ABTB2: variants seen among roughly 807,000 people sequenced by gnomAD.
ABTB2 encodes ankyrin repeat and BTB/POZ domain-containing protein 2.
In ABTB2, 56 loss-of-function variants were observed where a neutral mutation model predicts 104.1. The ratio of observed to expected loss-of-function variants is 0.54; its 90% CI spans 0.43 to 0.67. ABTB2 has a LOEUF of 0.67. Among genes scored for constraint, ABTB2 ranks in the 30% least tolerant of loss-of-function variants. The probability of loss-of-function intolerance (pLI) is 0.00; values close to 1 mark genes in which losing one functional copy is unlikely to be tolerated. For missense variants in ABTB2, 1,279 were observed against 1,407.7 expected (o/e 0.91, Z 1.46); for synonymous variants, 606 against 608.2 (o/e 1.00, Z 0.05).
At chr11:34,347,257 G>A (rs898582083) in intron 1 of ABTB2, among the ~76,000 whole-genome samples, 1 of 152,128 alleles carries the variant, frequency 6.6e-6, no homozygotes, top group African/African-American at 2.4e-5. Flanking sequence ...CCAACATGGT[G>A]AAACCCTGTC....
intron 11 of ABTB2, among the ~76,000 whole-genome samples, chr11:34,160,613 G>T (rs1852698405): frequency 6.7e-6 from 1 of 148,424 alleles, no homozygotes; most frequent in Admixed American, 6.7e-5. Flanking sequence ...TGCTGTGTGT[G>T]TGTGTGTTGG....
At chr11:34,232,561 G>A (rs57295752) in intron 1 of ABTB2, among the ~76,000 whole-genome samples, 3 of 151,970 alleles carry the variant, frequency 2.0e-5, no homozygotes, top group Non-Finnish European at 4.4e-5. Context: ...GGGACCTCTC[G>A]AGACCTTCTG....
At chr11:34,294,782 C>T (rs1854600987) in intron 1 of ABTB2, among the ~76,000 whole-genome samples, 1 of 107,498 alleles carries the variant, frequency 9.3e-6, no homozygotes, top group African/African-American at 5.0e-5. Context: ...GTGGTGCGAT[C>T]TCAGCTCATG....
At chr11:34,281,996 T>C (rs1229463130) in intron 1 of ABTB2, among the ~76,000 whole-genome samples, 3 of 152,202 alleles carry the variant, frequency 2.0e-5, no homozygotes, top group Non-Finnish European at 4.4e-5. Flanking sequence ...GTTTGAGCTG[T>C]TCTAGCAAAA....
At chr11:34,312,931 C>G (rs1854875933) in intron 1 of ABTB2, among the ~76,000 whole-genome samples, 1 of 152,010 alleles carries the variant, frequency 6.6e-6, no homozygotes, top group African/African-American at 2.4e-5. Flanking sequence ...ACAAAGCTAG[C>G]AAGTGGCAGA....
chr11:34,291,758 A>G (rs1017236410), intron 1 of ABTB2, among the ~76,000 whole-genome samples: 1 of 152,164 alleles, frequency 6.6e-6, no homozygotes, highest in African/African-American at 2.4e-5. Flanking sequence ...AGCCTCCCAA[A>G]GTGTTGGGAT....
rs200966756 is a variant in ABTB2, at chr11:34,298,412, CT to C, written c.883+58288del. ...GTAGGGGTGAGGAATGATCTTGTTT[CT>C]TTTTTTTTTTTTAAACCAATTACTT... On this transcript the variant is annotated intron_variant, in intron 1 of 16. Transcript: ENST00000435224. 3.2e-3 allele frequency among the ~76,000 whole-genome samples: 417 copies of C among 128,732 alleles called. 1 individual carries two copies. Among genetic ancestry groups the C allele is most frequent in the South Asian group, 7.4e-3 (26 of 3,502 alleles). The allele number at this position is 128,732 out of a possible 152,430, so 84.5% of individuals were successfully genotyped here. A position where few individuals can be genotyped will look rare whatever the true frequency, so the allele number is the denominator to read the frequency against.
intron 1 of ABTB2, among the ~76,000 whole-genome samples, chr11:34,354,861 T>C (rs1162448895): frequency 1.3e-5 from 2 of 152,222 alleles, no homozygotes; most frequent in African/African-American, 4.8e-5. Flanking sequence ...TGAGTTCAGT[T>C]TGGGCCTCCT....
intron 14 of ABTB2, among the ~76,000 whole-genome samples, chr11:34,157,424 T>C (rs890353659): frequency 2.0e-5 from 3 of 152,182 alleles, no homozygotes; most frequent in African/African-American, 7.2e-5. Flanking sequence ...ATGCCCTCCC[T>C]TGGCCTGGCA....
At chr11:34,265,051 C>T (rs183512264) in intron 1 of ABTB2, among the ~76,000 whole-genome samples, 3 of 152,324 alleles carry the variant, frequency 2.0e-5, no homozygotes, top group African/African-American at 4.8e-5. Context: ...CTCACTTCCT[C>T]GTGACTCAGT....
intron 1 of ABTB2, among the ~76,000 whole-genome samples, chr11:34,249,266 CT>C: frequency 6.6e-6 from 1 of 152,192 alleles, no homozygotes; most frequent in Non-Finnish European, 1.5e-5. Context: ...AAGCTCATGC[CT>C]TTAAGGACAA....
chr11:34,159,376 G>C lies in ABTB2; in HGVS notation c.2617C>G (p.Leu873Val), dbSNP rs751572135. The stretch of plus-strand genomic sequence containing the variant: ...TCCTGTTCTGATTTATTGGTCATTA[G>C]TGTCTTGAACCTGGAGCAAAGGAGA... ...LVTASNRFKT[L>V]MTNKSEQDGD... Residue 873 changes from leucine (L) to valine (V), a missense_variant, in exon 14 of 17, where the codon CTA becomes GTA. Physicochemically the swap from Leu to Val is conservative, Grantham distance 32. Transcript: ENST00000435224. 6.2e-7 allele frequency: 1 copy of C among 1,613,530 alleles called. No individual in the cohort carries two copies. The highest frequency in any genetic ancestry group is 1.1e-5 in the South Asian group (1 of 91,064).
rs1245696350 is a variant in ABTB2 at position 34,164,802 on chromosome 11, A to T, written c.1872T>A (p.Ser624Arg). The T allele has an allele frequency of 6.9e-6, 11 of 1,585,220 alleles. No individual in the cohort carries two copies. The highest frequency in any genetic ancestry group is 6.8e-6 in the Non-Finnish European group (8 of 1,170,670). The change falls in exon 9 of 17, where the codon AGT becomes AGA. Residue 624 changes from serine to arginine, a missense_variant. Transcript: ENST00000435224. ...ASAAGNYELV[S>R]LLLSRGADPL... The stretch of plus-strand genomic sequence containing the variant: ...GGTCGGCGCCTCGGCTCAGCAACAA[A>T]CTGACCAGCTCATAGTTCCCTGAAA...
At chr11:34,233,639 T>C (rs1043907664) in intron 1 of ABTB2, among the ~76,000 whole-genome samples, 88 of 121,950 alleles carry the variant, frequency 7.2e-4, no homozygotes, top group Admixed American at 3.8e-4. Flanking sequence ...CATGAACCAC[T>C]GTACCTGGCC....
intron 1 of ABTB2, among the ~76,000 whole-genome samples, chr11:34,207,011 G>A (rs1853416514): frequency 6.6e-6 from 1 of 152,196 alleles, no homozygotes; most frequent in Non-Finnish European, 1.5e-5. Flanking sequence ...CTCCCCCGCA[G>A]CCCCCTGCCA....
At chr11:34,208,923 C>A (rs1853442497) in intron 1 of ABTB2, among the ~76,000 whole-genome samples, 1 of 152,168 alleles carries the variant, frequency 6.6e-6, no homozygotes, top group South Asian at 2.1e-4. Context: ...CACCCATCCC[C>A]TGCCTCCAGG....
intron 1 of ABTB2, among the ~76,000 whole-genome samples, chr11:34,215,259 G>A (rs1346311160): frequency 6.6e-6 from 1 of 152,202 alleles, no homozygotes; most frequent in Non-Finnish European, 1.5e-5. Context: ...TCCCCTGCTA[G>A]GGATCAGTGC....
In ABTB2 at chr11:34,154,107, C is replaced by T. The variant is rs1303168239; in HGVS notation, c.2880+158G>A. Among the ~76,000 whole-genome samples the T allele has an allele frequency of 6.6e-6, 1 of 152,156 alleles. No individual in the cohort carries two copies. ...TGGGCAGCAGTGACCCCAGGCAACA[C>T]AGGGAGTTGCTAACCCTCCCTCAGC... On this transcript the variant is annotated intron_variant, in intron 16 of 16. Transcript: ENST00000435224. The surrounding 1 kb of genome is among the most constrained non-coding windows in gnomAD (Gnocchi z 4.9).
intron 1 of ABTB2, among the ~76,000 whole-genome samples, chr11:34,303,568 C>T (rs1175592227): frequency 2.0e-5 from 2 of 102,318 alleles, no homozygotes; most frequent in South Asian, 8.5e-4. Flanking sequence ...ATGCATTTAA[C>T]TTAAATGAAA....
Sources: gnomAD v4.1 joint callset for allele counts (sites outside exome capture counted in the v4.1 genomes callset) on GRCh38, gnomAD v4.1.1 for gene constraint, Gnocchi (gnomAD v3.1) non-coding constraint, MANE v1.5 for transcripts, NCBI Gene and HGNC (gene_info 2026-07-23, HGNC 2026-07-21) for gene names.